Variants in SLC30A4 observed in about 807,000 individuals in gnomAD.
The protein encoded by SLC30A4 is probable proton-coupled zinc antiporter SLC30A4.
A neutral mutation model predicts 41.7 loss-of-function variants in SLC30A4; 20 were observed. That is an observed-to-expected ratio of 0.48 (90% CI 0.34 to 0.70). The LOEUF (loss-of-function observed/expected upper bound fraction) is 0.70. Among genes scored for constraint, SLC30A4 ranks in the 30% least tolerant of loss-of-function variants. The pLI, the probability that SLC30A4 is intolerant of heterozygous loss-of-function variation, is 0.01. For synonymous variants in SLC30A4, 181 were observed against 195.9 expected (o/e 0.92, Z 0.64); for missense variants, 441 against 529.3 (o/e 0.83, Z 1.64).
At chr15:45,515,948 A>G (rs1892459790) in intron 2 of SLC30A4, 1 of 151,728 alleles carries the variant, frequency 6.6e-6, no homozygotes, top group Non-Finnish European at 1.5e-5. Flanking sequence ...TTTTGTAGAG[A>G]CAGGGTCTTG....
intron 3 of SLC30A4, among the ~76,000 whole-genome samples, chr15:45,506,474 T>C (rs966671467): frequency 6.6e-6 from 1 of 152,176 alleles, no homozygotes; most frequent in African/African-American, 2.4e-5. Flanking sequence ...AATGTAAATA[T>C]ATCTCTCCCC....
chr15:45,512,724 T>G (rs1216388360), intron 2 of SLC30A4, among the ~76,000 whole-genome samples: 2 of 152,212 alleles, frequency 1.3e-5, no homozygotes, highest in Non-Finnish European at 2.9e-5. Context: ...TGAGGATAAT[T>G]CCTTAAAGCA....
At chr15:45,488,314 C>T (rs557196138) in intron 5 of SLC30A4, among the ~76,000 whole-genome samples, 18 of 152,044 alleles carry the variant, frequency 1.2e-4, no homozygotes, top group East Asian at 3.9e-4. Context: ...GGCTCATGCC[C>T]GTAATCTCAG....
intron 3 of SLC30A4, among the ~76,000 whole-genome samples, chr15:45,491,320 A>G (rs1027297629): frequency 6.6e-6 from 1 of 152,218 alleles, no homozygotes; most frequent in Admixed American, 6.5e-5. Flanking sequence ...CCAGGGTCAA[A>G]TTATGTATAT....
chr15:45,499,941 G>A (rs975751020), intron 3 of SLC30A4, among the ~76,000 whole-genome samples: 1 of 152,212 alleles, frequency 6.6e-6, no homozygotes, highest in African/African-American at 2.4e-5. Context: ...TCCTGGAATA[G>A]CCACTGTATC....
At chr15:45,515,295 T>C (rs1456442156) in intron 2 of SLC30A4, among the ~76,000 whole-genome samples, 1 of 152,118 alleles carries the variant, frequency 6.6e-6, no homozygotes, top group Non-Finnish European at 1.5e-5. Flanking sequence ...CCCAAAGTGC[T>C]GTGATTTCAG....
chr15:45,522,439 C>T lies in SLC30A4; in HGVS notation c.-85G>A, dbSNP rs1892705225. ...CCTACTTCACCGGAGCGCCAGTTCTCGAGGGCAGTGCCGCGCGTCCCTCCC... is the reference window on the plus strand; with the variant it reads ...CCTACTTCACCGGAGCGCCAGTTCTTGAGGGCAGTGCCGCGCGTCCCTCCC... On this transcript the variant is annotated 5_prime_UTR_variant, in exon 2 of 8. Transcript: ENST00000261867. 1 of 1,309,550 alleles carries T rather than the reference C, an allele frequency of 7.6e-7. No individual in the cohort carries two copies. Among genetic ancestry groups the T allele is most frequent in the African/African-American group, 1.5e-5 (1 of 67,844 alleles). The allele number at this position is 1,309,550 out of a possible 1,614,324, so 81.1% of individuals were successfully genotyped here.
intron 2 of SLC30A4, chr15:45,513,866 T>C (rs774727884): frequency 2.0e-5 from 3 of 152,242 alleles, no homozygotes; most frequent in Non-Finnish European, 2.9e-5. Context: ...AAGGATGTTT[T>C]TATTTGACTG....
At chr15:45,502,828 T>C (rs1363064420) in intron 3 of SLC30A4, 1 of 152,042 alleles carries the variant, frequency 6.6e-6, no homozygotes. Flanking sequence ...ACCATGTCTG[T>C]ACAAAAAATT....
chr15:45,516,227 G>A (rs1225359790), intron 2 of SLC30A4, among the ~76,000 whole-genome samples: 2 of 152,164 alleles, frequency 1.3e-5, no homozygotes, highest in Non-Finnish European at 2.9e-5. Context: ...CACTTCCAGA[G>A]GTACCTGGTA....
intron 3 of SLC30A4, chr15:45,501,984 C>A (rs1411147070): frequency 6.6e-6 from 1 of 152,100 alleles, no homozygotes; most frequent in Non-Finnish European, 1.5e-5. Flanking sequence ...ATCTAACTAT[C>A]ATTCACAGAC....
At chr15:45,518,738 T>G (rs922585847) in intron 2 of SLC30A4, among the ~76,000 whole-genome samples, 31 of 151,504 alleles carry the variant, frequency 2.0e-4, no homozygotes, top group East Asian at 7.7e-4. Flanking sequence ...AAGTTTTTGG[T>G]TTTTTTTGGT....
intron 3 of SLC30A4, among the ~76,000 whole-genome samples, chr15:45,497,629 AAAAT>A (rs1463768250): frequency 1.3e-5 from 2 of 152,252 alleles, no homozygotes; most frequent in African/African-American, 4.8e-5. Flanking sequence ...CTAAAAGAAA[AAAAT>A]AAATAGGAGA....
chr15:45,505,280 C>T (rs1296926441), intron 3 of SLC30A4, among the ~76,000 whole-genome samples: 1 of 143,716 alleles, frequency 7.0e-6, no homozygotes, highest in Admixed American at 6.9e-5. Context: ...AAAAAGGCTA[C>T]AATCAATAGT....
chr15:45,498,033 A>G (rs1891942616), intron 3 of SLC30A4, among the ~76,000 whole-genome samples: 1 of 152,214 alleles, frequency 6.6e-6, no homozygotes, highest in Admixed American at 6.5e-5. Flanking sequence ...AACTTTGCTA[A>G]TGCTATGATG....
At position 45,511,045 on chromosome 15, in the gene SLC30A4, A is replaced by G. The variant is rs1216647201; in HGVS notation, c.538+93T>C. 1.6e-5 allele frequency: 15 copies of G among 953,332 alleles called. No homozygotes were observed. In the African/African-American group the frequency reaches 1.6e-4, roughly 10 times the overall value. 59.1% of individuals were successfully genotyped at this position (953,332 alleles called of 1,614,324 possible). On this transcript the variant is annotated intron_variant, in intron 3 of 7. Transcript: ENST00000261867. ...TTTTCATTTGCTTTGTTCAAACAAG[A>G]TATCACTGGAACGAGTTCAGTTAAT...
Position 45,488,900 on chromosome 15 carries a change from A to C in SLC30A4, c.835T>G (p.Leu279Val), listed in dbSNP as rs749174658. The change falls in exon 5 of 8, where the codon TTG becomes GTG. Residue 279 changes from leucine (L) to valine (V), a missense_variant. Physicochemically the swap from Leu to Val is conservative, Grantham distance 32. Coordinates refer to ENST00000261867, the MANE Select transcript of SLC30A4 (RefSeq NM_013309.6). Reference protein sequence around the residue: ...LAVRAAFVHALGDLVQSVGVL... With the variant: ...LAVRAAFVHAVGDLVQSVGVL... Reference sequence around the variant, plus strand: ...CCAACACTCTGTACCAAATCTCCCAAAGCATGTACAAATGCAGCTCTCACT... The same window carrying C: ...CCAACACTCTGTACCAAATCTCCCACAGCATGTACAAATGCAGCTCTCACT... The C allele has an allele frequency of 1.2e-6, 2 of 1,613,980 alleles. No homozygotes were observed. The highest frequency in any genetic ancestry group is 1.7e-6 in the Non-Finnish European group (2 of 1,180,002).
Position 45,513,038 on chromosome 15 carries a change from G to A in SLC30A4, c.392-1754C>T, listed in dbSNP as rs565702501. 3.4e-4 allele frequency among the ~76,000 whole-genome samples: 51 copies of A among 151,736 alleles called. No individual in the cohort carries two copies. In the South Asian group the frequency reaches 9.4e-3, roughly 28 times the overall value. On this transcript the variant is annotated intron_variant, in intron 2 of 7. Transcript: ENST00000261867. ...AATGGGGCCAGGTGCAGTGGCTCAC[G>A]CCTGTAATCCCAACACTTTGGGAGG... is the stretch of plus-strand genomic sequence containing the variant.
At chr15:45,497,925 C>T (rs1160649704) in intron 3 of SLC30A4, among the ~76,000 whole-genome samples, 1 of 152,156 alleles carries the variant, frequency 6.6e-6, no homozygotes, top group Non-Finnish European at 1.5e-5. Flanking sequence ...CTATGAGGCA[C>T]TATAACAATA....
Sources: allele counts gnomAD v4.1 joint callset (sites outside exome capture counted in the v4.1 genomes callset), GRCh38; gene constraint gnomAD v4.1.1; transcripts MANE v1.5; gene names NCBI Gene and HGNC (gene_info 2026-07-23, HGNC 2026-07-21).